Variants in DYSF observed in about 807,000 individuals in gnomAD.
The protein encoded by DYSF is dystrophy-associated fer-1-like 1.
In DYSF, 212 loss-of-function variants were observed where a neutral mutation model predicts 274.9. That is an observed-to-expected ratio of 0.77 (90% confidence interval 0.69 to 0.86). The LOEUF is 0.86. DYSF is among the 40% of genes least tolerant of loss of function. The probability of loss-of-function intolerance (pLI) is 0.00; values close to 1 mark genes in which losing one functional copy is unlikely to be tolerated. For synonymous variants in DYSF, 1,091 were observed against 1,078.7 expected, an observed-to-expected ratio of 1.01 and a Z score of -0.22; for missense variants, 2,666 against 2,783.2, an observed-to-expected ratio of 0.96 and a Z score of 0.95.
At chr2:71,475,409 A>G (rs2082329096) in intron 1 of DYSF, among the ~76,000 whole-genome samples, 1 of 152,052 alleles carries the variant, frequency 6.6e-6, no homozygotes, top group Admixed American at 6.6e-5. Context: ...GCCGCCAGAA[A>G]CTCCCAGCCC....
intron 22 of DYSF, among the ~76,000 whole-genome samples, chr2:71,556,620 C>G (rs1039938683): frequency 4.6e-5 from 7 of 152,296 alleles, no homozygotes; most frequent in South Asian, 4.1e-4. Flanking sequence ...TGAAGAATAA[C>G]TACTTTATAA....
At chr2:71,621,728 T>C in intron 41 of DYSF, among the ~76,000 whole-genome samples, 1 of 152,026 alleles carries the variant, frequency 6.6e-6, no homozygotes, top group Non-Finnish European at 1.5e-5. Context: ...GGCATGATCT[T>C]GGCTCACTGC....
chr2:71,565,999 G>A lies in DYSF; in HGVS notation c.2565+1786G>A, dbSNP rs192694072. Among the ~76,000 whole-genome samples, 1,035 of 151,360 alleles carry A rather than the reference G, an allele frequency of 6.8e-3. 16 individuals carry two copies. The highest frequency in any genetic ancestry group is 0.024 in the African/African-American group (982 of 41,196). The stretch of plus-strand genomic sequence containing the variant: ...CACAGTTGTGTGAGTGAGTGTGTCT[G>A]TGTGTGTGTGTGTTGGGCAGCAGGC... On this transcript the variant is annotated intron_variant, in intron 24 of 55. Coordinates refer to ENST00000410020, the MANE Select transcript of DYSF (RefSeq NM_001130987.2).
intron 12 of DYSF, among the ~76,000 whole-genome samples, chr2:71,522,315 C>T (rs2087377434): frequency 6.6e-6 from 1 of 151,976 alleles, no homozygotes; most frequent in Admixed American, 6.6e-5. Flanking sequence ...TTCTCCTCTT[C>T]AGTAGGAATC....
At chr2:71,542,778 C>A (rs1314662974) in intron 17 of DYSF, among the ~76,000 whole-genome samples, 1 of 152,232 alleles carries the variant, frequency 6.6e-6, no homozygotes. Context: ...CTTCTCTCCA[C>A]ACAGACACAG....
intron 53 of DYSF, among the ~76,000 whole-genome samples, chr2:71,680,450 T>C (rs1295165373): frequency 6.6e-6 from 1 of 152,218 alleles, no homozygotes; most frequent in Non-Finnish European, 1.5e-5. Flanking sequence ...GACTCTGTCA[T>C]CCGACTTCTA....
chr2:71,613,370 T>A lies in DYSF; in HGVS notation c.4424T>A (p.Leu1475His). ...VSLLSPGEDV[L>H]IDIDDKEPLI... Reference sequence around the variant, plus strand: ...CTACTCAGTCCTGGGGAAGACGTGCTCATCGACATTGATGACAAGGAGCCC... The same window carrying A: ...CTACTCAGTCCTGGGGAAGACGTGCACATCGACATTGATGACAAGGAGCCC... Residue 1475 changes from leucine to histidine, a missense_variant, in exon 40 of 56, where the codon CTC (leucine) becomes CAC (histidine). Coordinates refer to ENST00000410020, the MANE Select transcript of DYSF (RefSeq NM_001130987.2). 1 of 1,613,622 alleles carries A rather than the reference T, an allele frequency of 6.2e-7. No homozygotes were observed. The highest frequency in any genetic ancestry group is 8.5e-7 in the Non-Finnish European group (1 of 1,179,860).
intron 35 of DYSF, 121 bp downstream of exon 35, chr2:71,601,649 A>C: frequency 7.5e-7 from 1 of 1,325,356 alleles, no homozygotes; most frequent in Non-Finnish European, 1.1e-6. Flanking sequence ...GCCCCCGGGG[A>C]AGCTCTTTCA....
chr2:71,486,591 G>C (rs1009077846), intron 3 of DYSF, among the ~76,000 whole-genome samples: 40 of 152,100 alleles, frequency 2.6e-4, no homozygotes, highest in Non-Finnish European at 4.4e-5. Flanking sequence ...GCCCAGAGTG[G>C]GATCTGGGGA....
rs1015475979 is a variant in DYSF at position 71,454,955 on chromosome 2, A to G, written c.88+869A>G. On this transcript the variant is annotated intron_variant, in intron 1 of 54. Coordinates refer to the DYSF transcript ENST00000258104. ...ACTGGGGGAGAAGAACTAGGGGGAAAGAGTGTGAACCTCCCACCCAGCCTG... is the reference window on the plus strand; with the variant it reads ...ACTGGGGGAGAAGAACTAGGGGGAAGGAGTGTGAACCTCCCACCCAGCCTG... Among the ~76,000 whole-genome samples, 14 of 152,218 alleles carry G rather than the reference A, an allele frequency of 9.2e-5. No homozygotes were observed. In the East Asian group the frequency reaches 2.7e-3, roughly 29 times the overall value.
intron 33 of DYSF, 49 bp from the exon 34 acceptor site, chr2:71,600,653 G>A (rs1252549361): frequency 3.1e-6 from 5 of 1,613,270 alleles, no homozygotes; most frequent in Non-Finnish European, 4.2e-6. Context: ...AGGCTCCCTA[G>A]AGCCCTGGGT....
intron 30 of DYSF, among the ~76,000 whole-genome samples, chr2:71,575,311 G>A (rs974935763): frequency 6.6e-6 from 1 of 152,162 alleles, no homozygotes; most frequent in Non-Finnish European, 1.5e-5. Context: ...CTCGATGGTG[G>A]GCAAGGCCCA....
chr2:71,556,135 G>C, intron 22 of DYSF, 64 bp downstream of exon 22: 1 of 1,375,580 alleles, frequency 7.3e-7, no homozygotes, highest in Non-Finnish European at 1.0e-6. Flanking sequence ...GTTTCGCTGG[G>C]AGTGCTCGTG....
chr2:71,515,924 C>T (rs1370579382), intron 8 of DYSF, among the ~76,000 whole-genome samples, 173 bp downstream of exon 8: 8 of 152,172 alleles, frequency 5.3e-5, no homozygotes, highest in African/African-American at 1.9e-4. Flanking sequence ...AGGGCTCCTG[C>T]TCTTACTTCT....
intron 30 of DYSF, among the ~76,000 whole-genome samples, chr2:71,577,906 C>T (rs2092764724): frequency 2.6e-5 from 4 of 152,124 alleles, no homozygotes; most frequent in Admixed American, 2.6e-4. Flanking sequence ...GCCCACGGGT[C>T]CCTGATGCCT....
intron 53 of DYSF, among the ~76,000 whole-genome samples, chr2:71,680,540 C>G (rs1482197354): frequency 1.3e-5 from 2 of 152,178 alleles, no homozygotes; most frequent in Admixed American, 1.3e-4. Flanking sequence ...TTTACCCTAT[C>G]AAAGAGTTGG....
chr2:71,593,125 CTTT>C (rs35900869), intron 32 of DYSF, among the ~76,000 whole-genome samples: 2,160 of 85,496 alleles, frequency 0.025, 30 homozygotes, highest in African/African-American at 0.072. Flanking sequence ...TCAGTGACTT[CTTT>C]TTTTTTTTTT....
At chr2:71,592,146 CA>C (rs199935388) in intron 32 of DYSF, among the ~76,000 whole-genome samples, 1,625 of 152,246 alleles carry the variant, frequency 0.011, 29 homozygotes, top group Admixed American at 0.028. Flanking sequence ...GGGGGATGGC[CA>C]GGGGGGGCCC....
chr2:71,669,723 CA>C lies in DYSF; in HGVS notation c.5763del (p.Val1922SerfsTer83), dbSNP rs1553416197. On this transcript the variant is annotated frameshift_variant, in exon 51 of 56. Transcript: ENST00000410020. LOFTEE classifies it high-confidence loss of function. ...IFPFDYLPAE[Q>X]VCTIAKKDAF... ...CCCCTTCGACTACCTGCCAGCTGAGCAAGTCTGTACCATTGCCAAGAAGGTC... is the reference window on the plus strand; with the variant it reads ...CCCCTTCGACTACCTGCCAGCTGAGCAGTCTGTACCATTGCCAAGAAGGTC... 1.2e-6 allele frequency: 2 copies of C among 1,614,216 alleles called. No homozygotes were observed. Among genetic ancestry groups the C allele is most frequent in the Admixed American group, 3.3e-5 (2 of 60,032 alleles).
Sources: gnomAD v4.1 joint callset for allele counts (sites outside exome capture counted in the v4.1 genomes callset) on GRCh38, gnomAD v4.1.1 for gene constraint, MANE v1.5 for transcripts, NCBI Gene and HGNC (gene_info 2026-07-23, HGNC 2026-07-21) for gene names.